Variants in LRRC57 observed in about 807,000 individuals in gnomAD.
The protein encoded by LRRC57 is leucine rich repeat containing 57, also known as leucine-rich repeat-containing protein 57.
LRRC57 carries 14 observed loss-of-function variants against 23.1 expected under a neutral mutation model. The observed-to-expected ratio is 0.61, with a 90% confidence interval of 0.40 to 0.95. The LOEUF (loss-of-function observed/expected upper bound fraction) is 0.95, where lower values mean the gene tolerates loss of function less well. Ranked by LOEUF, LRRC57 falls within the 40% of genes least tolerant of loss-of-function variation. The probability of loss-of-function intolerance (pLI) is 0.00; values close to 1 mark genes in which losing one functional copy is unlikely to be tolerated. For missense variants in LRRC57, 236 were observed against 284.4 expected, an observed-to-expected ratio of 0.83 and a Z score of 1.22; for synonymous variants, 106 against 115.2, an observed-to-expected ratio of 0.92 and a Z score of 0.51.
the LRRC57 span, chr15:42,529,840 C>G: frequency 1.3e-5 from 21 of 1,608,804 alleles, no homozygotes; most frequent in Non-Finnish European, 1.4e-5. Context: ...TTTATTGCCA[C>G]AAGAAAATGA....
At position 42,543,825 on chromosome 15, in the gene LRRC57, G is replaced by A; in HGVS notation, c.*258C>T. 2 of 368,750 alleles carry A rather than the reference G, an allele frequency of 5.4e-6. No homozygotes were observed. Among genetic ancestry groups the A allele is most frequent in the African/African-American group, 4.1e-5 (2 of 48,726 alleles). 22.8% of individuals were successfully genotyped at this position (368,750 alleles called of 1,614,324 possible). On this transcript the variant is annotated 3_prime_UTR_variant, in exon 6 of 6. Coordinates refer to ENST00000397130, the MANE Select transcript of LRRC57 (RefSeq NM_153260.3). ...GTTTCTTAAAGCCAAACTAATGATG[G>A]TTTTGAAGAGAACCTTGTCTATTGC... is the stretch of plus-strand genomic sequence containing the variant.
chr15:42,530,863 G>C, the LRRC57 span, among the ~76,000 whole-genome samples: 6 of 152,230 alleles, frequency 3.9e-5, no homozygotes, highest in Admixed American at 2.0e-4. Context: ...AATTGAAACA[G>C]TGGTTCACAA....
At chr15:42,535,416 G>T (rs1020754334), downstream of LRRC57, among the ~76,000 whole-genome samples, 4 of 151,392 alleles carry the variant, frequency 2.6e-5, no homozygotes, top group East Asian at 7.8e-4. Flanking sequence ...GTTAACCGGC[G>T]TAAGAGGCCT....
Position 42,544,842 on chromosome 15 carries a change from C to CTATATATA in LRRC57, c.678+227_678+234dup, listed in dbSNP as rs143066320. Reference sequence around the variant, plus strand: ...ACACACACACACACACACACACACACTATATATATATATATATCAAAAGAC... The same window carrying CTATATATA: ...ACACACACACACACACACACACACACTATATATATATATATATATATATATCAAAAGAC... On this transcript the variant is annotated intron_variant, in intron 5 of 5. Transcript: ENST00000397130. Among the ~76,000 whole-genome samples, 15 of 98,016 alleles carry CTATATATA rather than the reference C, an allele frequency of 1.5e-4. No individual in the cohort carries two copies. In the South Asian group the frequency reaches 1.6e-3, roughly 10 times the overall value. 64.3% of individuals were successfully genotyped at this position (98,016 alleles called of 152,430 possible).
Position 42,547,613 on chromosome 15 carries a change from C to G in LRRC57, c.224-84G>C, listed in dbSNP as rs1595540534. ...GAAGTTTATAAAGACTATATGGCAG[C>G]CTGCTTCGCCTCTTGTTAATATATG... On this transcript the variant is annotated intron_variant, in intron 3 of 5. Coordinates refer to ENST00000397130, the MANE Select transcript of LRRC57 (RefSeq NM_153260.3). 4.1e-6 allele frequency: 5 copies of G among 1,218,002 alleles called. No homozygotes were observed. In the African/African-American group the frequency reaches 7.6e-5, roughly 19 times the overall value. The allele number at this position is 1,218,002 out of a possible 1,614,324, so 75.4% of individuals were successfully genotyped here. A position where few individuals can be genotyped will look rare whatever the true frequency, so the allele number is the denominator to read the frequency against.
At chr15:42,533,444 GT>G (rs1290599767), downstream of LRRC57, among the ~76,000 whole-genome samples, 1 of 152,176 alleles carries the variant, frequency 6.6e-6, no homozygotes, top group Non-Finnish European at 1.5e-5. Context: ...TACACCCTCT[GT>G]AATAGAAATG....
chr15:42,544,165 G>A (rs769955606), intron 5 of LRRC57, 41 bp from the exon 6 acceptor site: 13 of 1,519,578 alleles, frequency 8.6e-6, no homozygotes, highest in Admixed American at 1.9e-5. Context: ...ATTTTGGCAT[G>A]AGTAAATAAA....
chr15:42,546,534 C>T (rs2057658912), intron 4 of LRRC57, among the ~76,000 whole-genome samples: 1 of 152,168 alleles, frequency 6.6e-6, no homozygotes, highest in Non-Finnish European at 1.5e-5. Flanking sequence ...GTAATAACCA[C>T]ATGCAGCTTC....
intron 5 of LRRC57, 35 bp downstream of exon 5, chr15:42,545,042 A>C (rs1348416378): frequency 1.4e-6 from 2 of 1,435,326 alleles, no homozygotes; most frequent in Admixed American, 4.3e-5. Flanking sequence ...TCTCTGGGGT[A>C]GTGACTAGAA....
At chr15:42,533,290 T>C (rs1295362572), downstream of LRRC57, among the ~76,000 whole-genome samples, 1 of 152,226 alleles carries the variant, frequency 6.6e-6, no homozygotes, top group East Asian at 1.9e-4. Context: ...TCATTACTAG[T>C]CTTACTCACT....
chr15:42,546,697 G>A (rs2057659635), intron 4 of LRRC57, among the ~76,000 whole-genome samples: 1 of 152,134 alleles, frequency 6.6e-6, no homozygotes, highest in Non-Finnish European at 1.5e-5. Flanking sequence ...TTAATTGAAA[G>A]CTTCCAAAGT....
chr15:42,545,306 C>T, intron 4 of LRRC57, 44 bp from the exon 5 acceptor site: 1 of 1,379,562 alleles, frequency 7.2e-7, no homozygotes, highest in East Asian at 2.4e-5. Flanking sequence ...AGCATAAGCA[C>T]TATACTGGTT....
chr15:42,529,068 G>T, the LRRC57 span, among the ~76,000 whole-genome samples: 1 of 152,272 alleles, frequency 6.6e-6, no homozygotes, highest in East Asian at 1.9e-4. Flanking sequence ...GATCTGTAAC[G>T]AGCCAGAGAG....
At chr15:42,529,973 CAA>C in the LRRC57 span, among the ~76,000 whole-genome samples, 5 of 152,170 alleles carry the variant, frequency 3.3e-5, no homozygotes, top group Non-Finnish European at 5.9e-5. Flanking sequence ...ACACATAAAA[CAA>C]GAGCCAAGTC....
chr15:42,545,437 TTC>T (rs2057654662), intron 4 of LRRC57, 175 bp from the exon 5 acceptor site: 1 of 396,130 alleles, frequency 2.5e-6, no homozygotes. Context: ...GTTATCTAGC[TTC>T]TGTTACTACG....
the LRRC57 span, among the ~76,000 whole-genome samples, chr15:42,528,777 G>A: frequency 9.2e-5 from 14 of 152,048 alleles, no homozygotes; most frequent in African/African-American, 3.4e-4. Context: ...GTAGAGACAG[G>A]GTTTCACCAT....
chr15:42,535,709 C>T (rs750325179), downstream of LRRC57, among the ~76,000 whole-genome samples: 2 of 152,088 alleles, frequency 1.3e-5, no homozygotes, highest in African/African-American at 2.4e-5. Context: ...CCAACGCGCC[C>T]GGCTATGACT....
rs1211678485 is a variant in LRRC57 at position 42,543,670 on chromosome 15, CAG to C, written c.*411_*412del. ...TTCATAAAAATATGAAGTGTTAACACAGAGATGGAATGGCAACAGACTTTATG... is the reference window on the plus strand; with the variant it reads ...TTCATAAAAATATGAAGTGTTAACACAGATGGAATGGCAACAGACTTTATG... On this transcript the variant is annotated 3_prime_UTR_variant, in exon 6 of 6. Coordinates refer to ENST00000397130, the MANE Select transcript of LRRC57 (RefSeq NM_153260.3). 1.8e-5 allele frequency: 3 copies of C among 165,734 alleles called. No homozygotes were observed. Among genetic ancestry groups the C allele is most frequent in the African/African-American group, 7.1e-5 (3 of 41,976 alleles). 10.3% of individuals were successfully genotyped at this position (165,734 alleles called of 1,614,324 possible).
chr15:42,529,757 GC>G, the LRRC57 span: 1 of 1,614,030 alleles, frequency 6.2e-7, no homozygotes, highest in Non-Finnish European at 8.5e-7. Flanking sequence ...AAAAGACATG[GC>G]CCTGAACATA....
Sources: gnomAD v4.1 joint callset for allele counts (sites outside exome capture counted in the v4.1 genomes callset) on GRCh38, gnomAD v4.1.1 for gene constraint, MANE v1.5 for transcripts, NCBI Gene and HGNC (gene_info 2026-07-23, HGNC 2026-07-21) for gene names.